TAS2R1: variants seen among roughly 807,000 people sequenced by gnomAD.
TAS2R1 encodes the protein taste 2 receptor member 1, also known as taste receptor type 2 member 1.
For synonymous variants in TAS2R1, 141 were observed against 134.2 expected (o/e 1.05, Z -0.35); for missense variants, 370 against 353.4 (o/e 1.05, Z -0.38).
At chr5:9,892,536 TAAC>T in the TAS2R1 span, among the ~76,000 whole-genome samples, 11 of 152,114 alleles carry the variant, frequency 7.2e-5, no homozygotes, top group Non-Finnish European at 1.5e-4. Context: ...ACCAACTACA[TAAC>T]AACCTCAGGA....
At chr5:9,636,574 T>C (rs779818095) in intron 2 of TAS2R1, among the ~76,000 whole-genome samples, 1 of 152,106 alleles carries the variant, frequency 6.6e-6, no homozygotes, top group Non-Finnish European at 1.5e-5. Flanking sequence ...TTAGGTCTTG[T>C]AGTAATTGTT....
chr5:9,687,068 G>A (rs1198285922), intron 1 of TAS2R1, among the ~76,000 whole-genome samples: 9 of 152,100 alleles, frequency 5.9e-5, no homozygotes, highest in African/African-American at 1.9e-4. Context: ...GGGTTCAAGC[G>A]ATTCTCCTGC....
intron 1 of TAS2R1, among the ~76,000 whole-genome samples, chr5:9,700,571 C>A (rs549747624): frequency 2.0e-4 from 30 of 152,280 alleles, no homozygotes; most frequent in African/African-American, 6.7e-4. Context: ...ATCGCATGAT[C>A]ACTCAGGAGC....
At chr5:9,834,879 A>G in the TAS2R1 span, among the ~76,000 whole-genome samples, 1 of 152,190 alleles carries the variant, frequency 6.6e-6, no homozygotes, top group African/African-American at 2.4e-5. Context: ...GTTAAGATGC[A>G]GTAAACTTGT....
the TAS2R1 span, among the ~76,000 whole-genome samples, chr5:9,856,174 GAT>G: frequency 6.6e-6 from 1 of 152,126 alleles, no homozygotes; most frequent in Non-Finnish European, 1.5e-5. Flanking sequence ...AGAACTGACA[GAT>G]AGCCAAAATA....
the TAS2R1 span, among the ~76,000 whole-genome samples, chr5:9,814,229 T>C: frequency 6.6e-6 from 1 of 152,174 alleles, no homozygotes; most frequent in Non-Finnish European, 1.5e-5. Context: ...TCTGTAGGTT[T>C]CCTTAATGTC....
At chr5:9,720,818 A>G in the TAS2R1 span, among the ~76,000 whole-genome samples, 1 of 152,206 alleles carries the variant, frequency 6.6e-6, no homozygotes, top group Non-Finnish European at 1.5e-5. Context: ...CTGCATCTCG[A>G]AGGTTTCCAG....
At chr5:9,640,817 T>A (rs1257705919) in intron 2 of TAS2R1, among the ~76,000 whole-genome samples, 2 of 152,080 alleles carry the variant, frequency 1.3e-5, no homozygotes, top group African/African-American at 2.4e-5. Flanking sequence ...CAGACTCAAT[T>A]ATGTAAGGGA....
At chr5:9,658,726 TAA>T (rs1253705142) in intron 2 of TAS2R1, 2 of 152,222 alleles carry the variant, frequency 1.3e-5, no homozygotes, top group African/African-American at 4.8e-5. Flanking sequence ...TGTGAGTTGA[TAA>T]TCCAATTTAA....
chr5:9,858,722 A>G, the TAS2R1 span, among the ~76,000 whole-genome samples: 1 of 152,196 alleles, frequency 6.6e-6, no homozygotes, highest in East Asian at 1.9e-4. Flanking sequence ...GAGTCTGACG[A>G]GGCTCTGTTT....
At chr5:9,807,704 G>A in the TAS2R1 span, among the ~76,000 whole-genome samples, 39 of 152,244 alleles carry the variant, frequency 2.6e-4, no homozygotes, top group Middle Eastern at 3.4e-3. Context: ...TCATAAGTGG[G>A]AGCTAAGCTA....
chr5:9,790,570 A>G, the TAS2R1 span, among the ~76,000 whole-genome samples: 1 of 152,184 alleles, frequency 6.6e-6, no homozygotes, highest in Non-Finnish European at 1.5e-5. Context: ...GAAAAAAAGT[A>G]TCGTACAATT....
Position 9,630,019 on chromosome 5 carries a change from T to C in TAS2R1, c.14A>G (p.His5Arg). The C allele has an allele frequency of 6.4e-7, 1 of 1,565,618 alleles. No homozygotes were observed. Among genetic ancestry groups the C allele is most frequent in the Admixed American group, 2.1e-5 (1 of 47,592 alleles). MLES[H>R]LIIYFLLAVI... ...TGCAAGAAGAAAATAGATAATGAGGTGAGACTCTAGCATTTTAGGAATAAA... is the reference window on the plus strand; with the variant it reads ...TGCAAGAAGAAAATAGATAATGAGGCGAGACTCTAGCATTTTAGGAATAAA... Residue 5 changes from histidine to arginine, a missense_variant, in exon 1 of 1, where the codon CAC becomes CGC. By Grantham distance (29) the His-to-Arg change is conservative (BLOSUM62 0). Coordinates refer to ENST00000382492, the MANE Select transcript of TAS2R1 (RefSeq NM_019599.3).
the TAS2R1 span, among the ~76,000 whole-genome samples, chr5:9,860,436 C>T: frequency 6.6e-6 from 1 of 152,184 alleles, no homozygotes; most frequent in African/African-American, 2.4e-5. Context: ...ACTCTGAGTA[C>T]ATTTCAAACT....
chr5:9,812,916 T>C, the TAS2R1 span, among the ~76,000 whole-genome samples: 2 of 152,136 alleles, frequency 1.3e-5, no homozygotes, highest in African/African-American at 4.8e-5. Context: ...TGCAATTTGG[T>C]GTAGACATGG....
the TAS2R1 span, among the ~76,000 whole-genome samples, chr5:9,872,352 C>A: frequency 2.6e-5 from 4 of 152,128 alleles, no homozygotes; most frequent in Non-Finnish European, 4.4e-5. Context: ...TTCACACCAA[C>A]AAAGAGAGAA....
rs965264488 is a variant in TAS2R1 at position 9,682,171 on chromosome 5, C to T, written c.-241-22590G>A. 2.0e-5 allele frequency among the ~76,000 whole-genome samples: 3 copies of T among 152,216 alleles called. 1 individual carries two copies. Among genetic ancestry groups the T allele is most frequent in the Admixed American group, 2.0e-4 (3 of 15,276 alleles). ...AGTTTTTATAGGTTAATACCTAACACTATTTTTCCTTGCCAAAATTTGTGA... is the reference window on the plus strand; with the variant it reads ...AGTTTTTATAGGTTAATACCTAACATTATTTTTCCTTGCCAAAATTTGTGA... On this transcript the variant is annotated intron_variant, in intron 1 of 2. Transcript: ENST00000506620.
the TAS2R1 span, among the ~76,000 whole-genome samples, chr5:9,773,650 T>C: frequency 6.6e-6 from 1 of 152,184 alleles, no homozygotes; most frequent in African/African-American, 2.4e-5. Context: ...TGGGAAAGTC[T>C]TTCTTTCTCT....
chr5:9,767,648 G>C, the TAS2R1 span, among the ~76,000 whole-genome samples: 1 of 152,112 alleles, frequency 6.6e-6, no homozygotes, highest in African/African-American at 2.4e-5. Flanking sequence ...AACCAGATCA[G>C]GTGGGGCGTG....
Sources: allele counts gnomAD v4.1 joint callset (sites outside exome capture counted in the v4.1 genomes callset), GRCh38; gene constraint gnomAD v4.1.1; transcripts MANE v1.5; gene names NCBI Gene and HGNC (gene_info 2026-07-23, HGNC 2026-07-21).